POLR3B: variants seen among roughly 807,000 people sequenced by gnomAD.
POLR3B encodes RNA polymerase III subunit B.
In POLR3B, 96 loss-of-function variants were observed where a neutral mutation model predicts 147.4. The ratio of observed to expected loss-of-function variants is 0.65; its 90% CI spans 0.55 to 0.77. The LOEUF (loss-of-function observed/expected upper bound fraction) is 0.77, where lower values mean the gene tolerates loss of function less well. Among genes scored for constraint, POLR3B ranks in the 30% least tolerant of loss-of-function variants. The pLI is 0.00. For missense variants in POLR3B, 1,036 were observed against 1,413.5 expected, an observed-to-expected ratio of 0.73 and a Z score of 4.28; for synonymous variants, 461 against 485.9, an observed-to-expected ratio of 0.95 and a Z score of 0.67.
At chr12:106,460,125 G>A (rs1297022995) in intron 22 of POLR3B, among the ~76,000 whole-genome samples, 2 of 152,136 alleles carry the variant, frequency 1.3e-5, no homozygotes, top group Non-Finnish European at 2.9e-5. Context: ...CAGTAGCTGA[G>A]GCCTGCCATG....
At chr12:106,489,893 G>T (rs1440901187) in intron 23 of POLR3B, among the ~76,000 whole-genome samples, 1 of 152,128 alleles carries the variant, frequency 6.6e-6, no homozygotes, top group African/African-American at 2.4e-5. Flanking sequence ...TTCTAAGTGG[G>T]AGGGGAGAAG....
intron 23 of POLR3B, among the ~76,000 whole-genome samples, chr12:106,492,697 T>G (rs2038422502): frequency 6.6e-6 from 1 of 152,208 alleles, no homozygotes; most frequent in Non-Finnish European, 1.5e-5. Flanking sequence ...GTCTGAAGCA[T>G]GATACAGAGA....
Position 106,463,560 on chromosome 12 carries a change from C to T in POLR3B, c.2653C>T (p.Leu885=). ...AEDAFLIKML[L]RQTRRPEIGD... is the part of the protein sequence containing the mutation. ...AGATGCTTTTCTGATCAAAATGCTG[C>T]TGAGACAGACAAGGCGTCCAGAAAT... The change falls in exon 23 of 28, where the codon CTG becomes TTG. Residue 885 remains leucine, a synonymous_variant. Coordinates refer to ENST00000228347, the MANE Select transcript of POLR3B (RefSeq NM_018082.6). 2 of 1,613,376 alleles carry T rather than the reference C, an allele frequency of 1.2e-6. No individual in the cohort carries two copies. The highest frequency in any genetic ancestry group is 1.7e-6 in the Non-Finnish European group (2 of 1,179,404).
intron 4 of POLR3B, among the ~76,000 whole-genome samples, chr12:106,367,131 A>G (rs1246984383): frequency 1.3e-5 from 2 of 152,150 alleles, no homozygotes; most frequent in Non-Finnish European, 2.9e-5. Flanking sequence ...AAAATAAATC[A>G]TTGTCTTTTA....
At chr12:106,505,088 G>A (rs2038664915) in intron 27 of POLR3B, among the ~76,000 whole-genome samples, 1 of 152,144 alleles carries the variant, frequency 6.6e-6, no homozygotes, top group Non-Finnish European at 1.5e-5. Flanking sequence ...TAATTTCTGT[G>A]TAGCATTTGG....
intron 10 of POLR3B, 41 bp downstream of exon 10, chr12:106,393,194 G>C: frequency 6.2e-7 from 1 of 1,612,482 alleles, no homozygotes; most frequent in Non-Finnish European, 8.5e-7. Flanking sequence ...AAATGGAATT[G>C]GAGACTTAAT....
At chr12:106,479,708 A>G (rs1352632619) in intron 23 of POLR3B, among the ~76,000 whole-genome samples, 2 of 151,754 alleles carry the variant, frequency 1.3e-5, no homozygotes, top group Non-Finnish European at 2.9e-5. Context: ...AGCAAGAAGT[A>G]TGTATTTTTA....
Position 106,457,152 on chromosome 12 carries a change from C to T in POLR3B, c.2308C>T (p.Leu770Phe). 1 of 1,613,190 alleles carries T rather than the reference C, an allele frequency of 6.2e-7. No homozygotes were observed. The highest frequency in any genetic ancestry group is 8.5e-7 in the Non-Finnish European group (1 of 1,179,420). The change falls in exon 21 of 28, where the codon CTT (leucine) becomes TTT (phenylalanine). Residue 770 changes from leucine (L) to phenylalanine (F), a missense_variant. Coordinates refer to ENST00000228347, the MANE Select transcript of POLR3B (RefSeq NM_018082.6). ...TTTCATTTTAGGCTTTGGGCGTTGC[C>T]TTGTATATAAAAATGCTAAATGTAC... ...ASLDRGFGRC[L>F]VYKNAKCTLK... is the part of the protein sequence containing the mutation.
intron 18 of POLR3B, among the ~76,000 whole-genome samples, chr12:106,438,010 T>C (rs2037600544): frequency 6.6e-6 from 1 of 152,220 alleles, no homozygotes; most frequent in African/African-American, 2.4e-5. Flanking sequence ...AAGCCCAGCA[T>C]GCATTAGCTA....
At chr12:106,457,337 C>T (rs760027900) in intron 21 of POLR3B, 41 bp downstream of exon 21, 2 of 1,488,550 alleles carry the variant, frequency 1.3e-6, no homozygotes, top group South Asian at 1.1e-5. Context: ...TACTTTTTGA[C>T]ATCATATGTT....
chr12:106,477,202 A>C (rs1370504472), intron 23 of POLR3B, among the ~76,000 whole-genome samples: 1 of 117,606 alleles, frequency 8.5e-6, no homozygotes, highest in East Asian at 2.1e-4. Flanking sequence ...TCAGGGACCC[A>C]CTTGAGGAGG....
intron 26 of POLR3B, among the ~76,000 whole-genome samples, chr12:106,502,615 C>T (rs2038619316): frequency 6.6e-6 from 1 of 151,898 alleles, no homozygotes. Context: ...CTTGGGGTTT[C>T]ATTTTTTTTT....
intron 10 of POLR3B, among the ~76,000 whole-genome samples, chr12:106,404,407 G>C (rs903530289): frequency 6.6e-6 from 1 of 152,148 alleles, no homozygotes; most frequent in South Asian, 2.1e-4. Context: ...AGAAAGTTCA[G>C]GTTGCTTCAT....
At chr12:106,395,826 C>G (rs529228212) in intron 10 of POLR3B, among the ~76,000 whole-genome samples, 1 of 151,956 alleles carries the variant, frequency 6.6e-6, no homozygotes, top group Admixed American at 6.6e-5. Flanking sequence ...AAAAATTAGC[C>G]GGGCGTGGTG....
intron 25 of POLR3B, 72 bp downstream of exon 25, chr12:106,496,990 G>A (rs1291322665): frequency 1.4e-6 from 2 of 1,458,868 alleles, no homozygotes; most frequent in African/African-American, 2.8e-5. Flanking sequence ...AAGCCTTAAG[G>A]TATACTCTAT....
rs757230080 is a variant in POLR3B at position 106,459,371 on chromosome 12, A to G, written c.2570+3A>G. 5.8e-6 allele frequency: 8 copies of G among 1,391,154 alleles called. No individual in the cohort carries two copies. The highest frequency in any genetic ancestry group is 4.2e-5 in the African/African-American group (3 of 70,722). 86.2% of individuals were successfully genotyped at this position (1,391,154 alleles called of 1,614,324 possible). ...CAGTACAAAGATGTACCCATAACGT[A>G]TGTATTGGTTGTGCCCTGGTAATAT... On this transcript the variant is annotated splice_donor_region_variant and intron_variant, in intron 22 of 27. Transcript: ENST00000228347.
chr12:106,468,994 C>T (rs186449650), intron 23 of POLR3B, among the ~76,000 whole-genome samples: 18 of 152,202 alleles, frequency 1.2e-4, no homozygotes, highest in African/African-American at 4.3e-4. Context: ...CCTGGATATC[C>T]TTGTTAAGTT....
In POLR3B at chr12:106,378,385, G is replaced by T; in HGVS notation, c.614+1G>T. On this transcript the variant is annotated splice_donor_variant, in intron 8 of 27. Transcript: ENST00000228347. LOFTEE classifies it high-confidence loss of function. ...GGGCTGTTGGAGCTTCAGTTACCAG[G>T]TATGGAAAGCAGAGATGGTGTCCTT... 1 of 1,579,344 alleles carries T rather than the reference G, an allele frequency of 6.3e-7. No homozygotes were observed. Among genetic ancestry groups the T allele is most frequent in the East Asian group, 2.2e-5 (1 of 44,728 alleles).
At chr12:106,469,107 T>C (rs1402208570) in intron 23 of POLR3B, among the ~76,000 whole-genome samples, 1 of 152,134 alleles carries the variant, frequency 6.6e-6, no homozygotes, top group Non-Finnish European at 1.5e-5. Flanking sequence ...AGAACTTGCT[T>C]TATGAATCTG....
Sources: allele counts gnomAD v4.1 joint callset (sites outside exome capture counted in the v4.1 genomes callset), GRCh38; gene constraint gnomAD v4.1.1; transcripts MANE v1.5; gene names NCBI Gene and HGNC (gene_info 2026-07-23, HGNC 2026-07-21).